CDH18: variants seen among roughly 807,000 people sequenced by gnomAD.
CDH18 encodes the protein cadherin-18.
CDH18 carries 31 observed loss-of-function variants against 67.9 expected under a neutral mutation model. The ratio of observed to expected loss-of-function variants is 0.46; its 90% CI spans 0.34 to 0.62. The LOEUF is 0.62. Ranked by LOEUF, CDH18 falls within the 20% of genes least tolerant of loss-of-function variation. CDH18 has a pLI of 0.01. For synonymous variants in CDH18, 362 were observed against 347.2 expected, an observed-to-expected ratio of 1.04 and a Z score of -0.48; for missense variants, 890 against 975.5, an observed-to-expected ratio of 0.91 and a Z score of 1.17.
intron 2 of CDH18, among the ~76,000 whole-genome samples, chr5:19,918,562 T>C (rs1420709647): frequency 1.3e-5 from 2 of 152,178 alleles, no homozygotes; most frequent in Non-Finnish European, 2.9e-5. Context: ...AGAAATCACA[T>C]TTGTTCACTG....
At chr5:19,485,612 C>T (rs7716591) in intron 11 of CDH18, among the ~76,000 whole-genome samples, 38,746 of 151,966 alleles carry the variant, frequency 0.25, 5,310 homozygotes, top group African/African-American at 0.36. Flanking sequence ...AATGACATCA[C>T]GTGTATTATA....
intron 1 of CDH18, among the ~76,000 whole-genome samples, chr5:20,450,520 T>G (rs1750360532): frequency 1.3e-5 from 2 of 152,062 alleles, no homozygotes; most frequent in South Asian, 4.1e-4. Flanking sequence ...TTTCTACCAA[T>G]GCAAAAATAA....
Position 19,854,188 on chromosome 5 carries a change from A to T in CDH18, c.-256-14946T>A, listed in dbSNP as rs555370032. Among the ~76,000 whole-genome samples, 11 of 152,220 alleles carry T rather than the reference A, an allele frequency of 7.2e-5. No individual in the cohort carries two copies. In the South Asian group the frequency reaches 1.9e-3, roughly 26 times the overall value. On this transcript the variant is annotated intron_variant, in intron 2 of 12. Coordinates refer to ENST00000382275, the MANE Select transcript of CDH18 (RefSeq NM_004934.5). ...ATACCATCAACCTTACTCATGAGAC[A>T]TGGATGTTAGGATAATTTTGGCATT...
intron 9 of CDH18, among the ~76,000 whole-genome samples, chr5:19,529,092 A>G (rs1460089298): frequency 6.6e-6 from 1 of 151,968 alleles, no homozygotes. Context: ...TAATGCTAAG[A>G]ATGCTCTCTG....
chr5:20,223,209 A>G (rs1741368029), intron 2 of CDH18, among the ~76,000 whole-genome samples: 1 of 152,146 alleles, frequency 6.6e-6, no homozygotes, highest in South Asian at 2.1e-4. Context: ...CTCTTGCATC[A>G]GCATGACCTG....
intron 4 of CDH18, among the ~76,000 whole-genome samples, chr5:19,735,273 C>G (rs1768151076): frequency 6.6e-6 from 1 of 151,962 alleles, no homozygotes; most frequent in Non-Finnish European, 1.5e-5. Flanking sequence ...AATCTGATCC[C>G]AGTGTATTTT....
intron 1 of CDH18, among the ~76,000 whole-genome samples, chr5:20,571,947 G>T (rs1758843438): frequency 6.6e-6 from 1 of 152,090 alleles, no homozygotes; most frequent in Non-Finnish European, 1.5e-5. Flanking sequence ...CCTGCAGTAA[G>T]AGAAGATCTC....
intron 2 of CDH18, among the ~76,000 whole-genome samples, chr5:20,203,919 C>A (rs551810043): frequency 6.6e-6 from 1 of 151,658 alleles, no homozygotes; most frequent in South Asian, 2.1e-4. Flanking sequence ...AATCAGTGAG[C>A]TCAAAGACAG....
intron 7 of CDH18, among the ~76,000 whole-genome samples, chr5:19,575,691 G>T (rs1008832303): frequency 7.2e-5 from 11 of 152,044 alleles, no homozygotes; most frequent in African/African-American, 2.7e-4. Flanking sequence ...TCGTTTCCTA[G>T]GGATGACATA....
At chr5:19,820,594 C>T (rs1779771960) in intron 3 of CDH18, among the ~76,000 whole-genome samples, 1 of 152,178 alleles carries the variant, frequency 6.6e-6, no homozygotes, top group South Asian at 2.1e-4. Context: ...CCCTGGTGGA[C>T]TAACCTTTGA....
At chr5:20,034,797 T>G (rs578084941) in intron 2 of CDH18, among the ~76,000 whole-genome samples, 9 of 152,072 alleles carry the variant, frequency 5.9e-5, no homozygotes, top group Admixed American at 2.0e-4. Context: ...TCTCTCTTTC[T>G]CTCTTTCCAT....
intron 5 of CDH18, among the ~76,000 whole-genome samples, chr5:19,693,553 T>C (rs1394298071): frequency 1.3e-5 from 2 of 152,130 alleles, no homozygotes; most frequent in Non-Finnish European, 1.5e-5. Flanking sequence ...CTTTTCCAAA[T>C]TGTACTCATA....
intron 2 of CDH18, among the ~76,000 whole-genome samples, chr5:20,037,985 C>A (rs1211350658): frequency 6.6e-6 from 1 of 151,888 alleles, no homozygotes; most frequent in Non-Finnish European, 1.5e-5. Flanking sequence ...AGAGAAGGAT[C>A]AAATAGACAA....
intron 1 of CDH18, among the ~76,000 whole-genome samples, chr5:20,518,482 A>C (rs1413453696): frequency 1.3e-5 from 2 of 152,092 alleles, no homozygotes; most frequent in African/African-American, 2.4e-5. Context: ...CTAGGTCCTC[A>C]ATGACCTTAT....
At chr5:20,409,219 A>T (rs1746557643) in intron 1 of CDH18, among the ~76,000 whole-genome samples, 1 of 151,856 alleles carries the variant, frequency 6.6e-6, no homozygotes, top group Non-Finnish European at 1.5e-5. Context: ...AAAAGAACAT[A>T]AATTCTTCTG....
intron 2 of CDH18, among the ~76,000 whole-genome samples, chr5:20,146,595 T>A (rs1750662726): frequency 6.9e-6 from 1 of 144,070 alleles, no homozygotes; most frequent in Admixed American, 7.4e-5. Flanking sequence ...TGGCAAATCA[T>A]AAGTACTGAA....
chr5:20,303,546 C>A (rs1169372853), intron 1 of CDH18, among the ~76,000 whole-genome samples: 2 of 152,088 alleles, frequency 1.3e-5, no homozygotes, highest in African/African-American at 2.4e-5. Flanking sequence ...AAGCAGAGGA[C>A]AAATGCCTGT....
intron 1 of CDH18, among the ~76,000 whole-genome samples, chr5:20,428,145 T>A (rs1164894031): frequency 6.6e-6 from 1 of 150,828 alleles, no homozygotes; most frequent in East Asian, 1.9e-4. Context: ...CCTCCCTGTG[T>A]CCATGTGTTC....
At chr5:20,300,528 G>C (rs1399780492) in intron 1 of CDH18, among the ~76,000 whole-genome samples, 1 of 151,978 alleles carries the variant, frequency 6.6e-6, no homozygotes, top group Non-Finnish European at 1.5e-5. Context: ...AGATACTACT[G>C]TTCATAAAAG....
Sources: gnomAD v4.1 joint callset for allele counts (sites outside exome capture counted in the v4.1 genomes callset) on GRCh38, gnomAD v4.1.1 for gene constraint, MANE v1.5 for transcripts, NCBI Gene and HGNC (gene_info 2026-07-23, HGNC 2026-07-21) for gene names.